RIT2: variants seen among roughly 807,000 people sequenced by gnomAD.
The protein encoded by RIT2 is Ras like without CAAX 2, also known as GTP-binding protein Rit2.
A neutral mutation model predicts 23.7 loss-of-function variants in RIT2; 24 were observed. The ratio of observed to expected loss-of-function variants is 1.01; its 90% CI spans 0.73 to 1.43. The LOEUF (loss-of-function observed/expected upper bound fraction) is 1.43, where lower values mean the gene tolerates loss of function less well. Ranked by LOEUF, RIT2 falls within the 40% of genes most tolerant of loss-of-function variation. RIT2 has a pLI of 0.00. For missense variants in RIT2, 236 were observed against 266.9 expected (o/e 0.88, Z 0.81); for synonymous variants, 107 against 91.1 (o/e 1.17, Z -0.99).
At chr18:42,771,583 T>C (rs1001614822) in intron 4 of RIT2, among the ~76,000 whole-genome samples, 1 of 152,190 alleles carries the variant, frequency 6.6e-6, no homozygotes, top group Non-Finnish European at 1.5e-5. Context: ...GTAATACATG[T>C]TTGATTATTA....
At chr18:42,972,919 T>A (rs1352658878) in intron 3 of RIT2, among the ~76,000 whole-genome samples, 1 of 151,886 alleles carries the variant, frequency 6.6e-6, no homozygotes, top group African/African-American at 2.4e-5. Flanking sequence ...CAGAGGTGCA[T>A]TAAAACTTTC....
intron 1 of RIT2, among the ~76,000 whole-genome samples, chr18:43,095,616 CTT>C (rs1489250852): frequency 1.3e-5 from 2 of 151,856 alleles, no homozygotes; most frequent in Non-Finnish European, 2.9e-5. Flanking sequence ...AAAAAGTAAA[CTT>C]AATTTTAAAT....
At chr18:42,860,432 C>T (rs73471615) in intron 4 of RIT2, among the ~76,000 whole-genome samples, 3,628 of 152,258 alleles carry the variant, frequency 0.024, 140 homozygotes, top group African/African-American at 0.08. Flanking sequence ...GGTTAATTTT[C>T]AGAGTTTTGA....
chr18:42,885,838 C>T (rs530979521), intron 4 of RIT2, among the ~76,000 whole-genome samples: 71 of 152,134 alleles, frequency 4.7e-4, no homozygotes, highest in African/African-American at 1.7e-3. Flanking sequence ...AAAATTAATC[C>T]AATAAATTTA....
At chr18:42,855,258 T>C (rs1186668357) in intron 4 of RIT2, among the ~76,000 whole-genome samples, 1 of 152,204 alleles carries the variant, frequency 6.6e-6, no homozygotes, top group Non-Finnish European at 1.5e-5. Flanking sequence ...GATTATTGTA[T>C]AGAAAGTTTT....
chr18:42,796,067 C>T (rs900802791), intron 4 of RIT2, among the ~76,000 whole-genome samples: 23 of 152,128 alleles, frequency 1.5e-4, no homozygotes, highest in Non-Finnish European at 4.4e-5. Context: ...AGTGGCAACC[C>T]GCTCAGGTCC....
chr18:42,795,895 G>C (rs1240233029), intron 4 of RIT2, among the ~76,000 whole-genome samples: 2 of 152,156 alleles, frequency 1.3e-5, no homozygotes, highest in African/African-American at 2.4e-5. Flanking sequence ...TGGACACTCT[G>C]TATCTAGTTA....
At chr18:42,898,350 C>A (rs1349451212) in intron 4 of RIT2, among the ~76,000 whole-genome samples, 1 of 152,084 alleles carries the variant, frequency 6.6e-6, no homozygotes, top group Non-Finnish European at 1.5e-5. Flanking sequence ...GCTGAGATTG[C>A]ACCACTGCAC....
Position 42,852,909 on chromosome 18 carries a change from C to T in RIT2, c.426+70663G>A, listed in dbSNP as rs1038550921. 4.0e-4 allele frequency among the ~76,000 whole-genome samples: 60 copies of T among 151,768 alleles called. 1 individual carries two copies. The highest frequency in any genetic ancestry group is 3.9e-3 in the Admixed American group (59 of 15,226). On this transcript the variant is annotated intron_variant, in intron 4 of 4. Coordinates refer to ENST00000326695, the MANE Select transcript of RIT2 (RefSeq NM_002930.4). ...AATGCAGTGGTGCAATCTTGGCTCA[C>T]TGCAACCTCTGCCTCCCATGGTCAA... is the stretch of plus-strand genomic sequence containing the variant.
intron 1 of RIT2, among the ~76,000 whole-genome samples, chr18:43,100,444 C>G (rs774847368): frequency 6.6e-6 from 1 of 152,122 alleles, no homozygotes; most frequent in Non-Finnish European, 1.5e-5. Context: ...GTGAGTGAAA[C>G]AAGAGCCATG....
intron 4 of RIT2, among the ~76,000 whole-genome samples, chr18:42,831,818 T>C (rs1906466476): frequency 2.6e-5 from 4 of 152,218 alleles, no homozygotes; most frequent in Admixed American, 2.6e-4. Flanking sequence ...ACATACATCT[T>C]CATGTTAATC....
intron 1 of RIT2, among the ~76,000 whole-genome samples, chr18:43,109,060 C>T (rs945974848): frequency 6.6e-6 from 1 of 152,146 alleles, no homozygotes; most frequent in African/African-American, 2.4e-5. Flanking sequence ...CAGATAAAGG[C>T]TCAACTTCCT....
At position 42,841,222 on chromosome 18, in the gene RIT2, G is replaced by C. The variant is rs558123937; in HGVS notation, c.426+82350C>G. On this transcript the variant is annotated intron_variant, in intron 4 of 4. Coordinates refer to ENST00000326695, the MANE Select transcript of RIT2 (RefSeq NM_002930.4). ...CATGATCATTGTAATAGGTATATCA[G>C]ATAAGCTAACAGATATTTTCCTTTC... 2.8e-4 allele frequency among the ~76,000 whole-genome samples: 43 copies of C among 152,292 alleles called. No homozygotes were observed. In the South Asian group the frequency reaches 8.7e-3, roughly 31 times the overall value.
At chr18:42,790,253 G>T (rs1914012114) in intron 4 of RIT2, among the ~76,000 whole-genome samples, 1 of 152,108 alleles carries the variant, frequency 6.6e-6, no homozygotes, top group South Asian at 2.1e-4. Flanking sequence ...TAGACAATCT[G>T]AGATATAGCT....
chr18:42,857,749 G>A (rs1369114564), intron 4 of RIT2, among the ~76,000 whole-genome samples: 3 of 152,168 alleles, frequency 2.0e-5, no homozygotes, highest in Admixed American at 1.3e-4. Context: ...CAATTGGAGT[G>A]TACTGGACAA....
At chr18:42,944,668 ATTG>A (rs751597888) in intron 3 of RIT2, among the ~76,000 whole-genome samples, 1 of 152,114 alleles carries the variant, frequency 6.6e-6, no homozygotes, top group Admixed American at 6.6e-5. Context: ...AAAAAATTCC[ATTG>A]TTGTTGTTGA....
chr18:42,752,163 G>C (rs1395712498), intron 4 of RIT2, among the ~76,000 whole-genome samples: 5 of 152,048 alleles, frequency 3.3e-5, no homozygotes, highest in African/African-American at 9.7e-5. Flanking sequence ...GCATCAGAGG[G>C]AGTAATTTTT....
intron 2 of RIT2, among the ~76,000 whole-genome samples, chr18:43,032,690 G>T (rs1911884260): frequency 1.3e-3 from 1 of 758 alleles, no homozygotes. Context: ...CATACTAATT[G>T]CATGTACTAA....
At chr18:43,067,452 TTATA>T (rs1912797810) in intron 1 of RIT2, among the ~76,000 whole-genome samples, 1 of 152,242 alleles carries the variant, frequency 6.6e-6, no homozygotes, top group South Asian at 2.1e-4. Context: ...CAGCCTAGTT[TTATA>T]CATTTTTGGG....
Sources: gnomAD v4.1 joint callset for allele counts (sites outside exome capture counted in the v4.1 genomes callset) on GRCh38, gnomAD v4.1.1 for gene constraint, MANE v1.5 for transcripts, NCBI Gene and HGNC (gene_info 2026-07-23, HGNC 2026-07-21) for gene names.